The following SPATS2L variants were observed in gnomAD, a reference collection of about 807,000 sequenced individuals.
SPATS2L encodes SPATS2-like protein.
In SPATS2L, 30 loss-of-function variants were observed where a neutral mutation model predicts 59.6. That is an observed-to-expected ratio of 0.50 (90% CI 0.38 to 0.68). SPATS2L has a LOEUF of 0.68. SPATS2L is among the 30% of genes least tolerant of loss of function. The pLI, the probability that SPATS2L is intolerant of heterozygous loss-of-function variation, is 0.00. For missense variants in SPATS2L, 615 were observed against 700.0 expected, an observed-to-expected ratio of 0.88 and a Z score of 1.37; for synonymous variants, 252 against 263.5, an observed-to-expected ratio of 0.96 and a Z score of 0.42.
chr2:200,309,861 T>C (rs1223224604), intron 1 of SPATS2L, among the ~76,000 whole-genome samples: 2 of 152,222 alleles, frequency 1.3e-5, no homozygotes, highest in South Asian at 2.1e-4. Flanking sequence ...ATGCTTGTTA[T>C]GTAAATAGGC....
chr2:200,318,736 G>C (rs159322), intron 1 of SPATS2L, among the ~76,000 whole-genome samples: 148,127 of 152,304 alleles, frequency 0.97, 72,164 homozygotes, highest in Middle Eastern at 1. Flanking sequence ...ATGAAACTCA[G>C]TGATAAGAAA....
intron 2 of SPATS2L, among the ~76,000 whole-genome samples, chr2:200,388,113 T>C (rs1467006201): frequency 6.6e-6 from 1 of 152,186 alleles, no homozygotes; most frequent in Non-Finnish European, 1.5e-5. Context: ...AAAATTACAA[T>C]GAAGATACAT....
intron 2 of SPATS2L, among the ~76,000 whole-genome samples, chr2:200,343,116 A>T (rs923009834): frequency 6.6e-6 from 1 of 152,210 alleles, no homozygotes; most frequent in African/African-American, 2.4e-5. Flanking sequence ...TTGGGAGAAT[A>T]ACTTGGATGG....
intron 2 of SPATS2L, among the ~76,000 whole-genome samples, chr2:200,355,378 T>C (rs930252802): frequency 3.3e-5 from 5 of 152,244 alleles, no homozygotes; most frequent in African/African-American, 7.2e-5. Flanking sequence ...TTTGATTCAT[T>C]TGGATTTACA....
intron 3 of SPATS2L, among the ~76,000 whole-genome samples, chr2:200,402,849 T>C (rs2082571722): frequency 6.6e-6 from 1 of 152,168 alleles, no homozygotes; most frequent in Non-Finnish European, 1.5e-5. Context: ...AAATCTAAGA[T>C]ATAGAGGATG....
intron 2 of SPATS2L, among the ~76,000 whole-genome samples, chr2:200,365,280 A>T (rs1175793727): frequency 6.6e-6 from 1 of 152,252 alleles, no homozygotes; most frequent in Non-Finnish European, 1.5e-5. Flanking sequence ...GAAGGGGAGC[A>T]TCATCACAAC....
At chr2:200,391,945 G>A (rs1486965101) in intron 3 of SPATS2L, among the ~76,000 whole-genome samples, 1 of 151,790 alleles carries the variant, frequency 6.6e-6, no homozygotes, top group Non-Finnish European at 1.5e-5. Flanking sequence ...ATTTCCTTGG[G>A]GTATTATTAC....
At chr2:200,380,907 C>G (rs971769019) in intron 2 of SPATS2L, among the ~76,000 whole-genome samples, 1 of 152,114 alleles carries the variant, frequency 6.6e-6, no homozygotes, top group Non-Finnish European at 1.5e-5. Context: ...GTTTCTCAGT[C>G]CTAATAATTA....
intron 4 of SPATS2L, 102 bp from the exon 5 acceptor site, chr2:200,416,273 CAAAA>C (rs5837739): frequency 2.7e-3 from 900 of 331,154 alleles, no homozygotes; most frequent in South Asian, 3.5e-3. Context: ...ATGAAAAAGC[CAAAA>C]AAAAAAAAAA....
intron 6 of SPATS2L, among the ~76,000 whole-genome samples, chr2:200,432,472 G>A (rs925044825): frequency 1.3e-5 from 2 of 152,220 alleles, no homozygotes; most frequent in African/African-American, 4.8e-5. Flanking sequence ...CAAAAAGGGA[G>A]GAAGAGAGTG....
chr2:200,379,059 C>T lies in SPATS2L; in HGVS notation c.-22-10164C>T, dbSNP rs2081704489. Among the ~76,000 whole-genome samples, 3 of 152,194 alleles carry T rather than the reference C, an allele frequency of 2.0e-5. 1 individual carries two copies. The South Asian group carries it at 6.2e-4, about 32-fold the overall frequency. On this transcript the variant is annotated intron_variant, in intron 2 of 12. Coordinates refer to ENST00000409140, the MANE Select transcript of SPATS2L (RefSeq NM_001100423.2). ...TGCTGTGCCCAAAACCTTGAGCCAG[C>T]TGAATTCCAACTCTAATTCTTCCAG... is the stretch of plus-strand genomic sequence containing the variant.
At chr2:200,427,114 G>A (rs1403058302) in intron 6 of SPATS2L, among the ~76,000 whole-genome samples, 1 of 152,082 alleles carries the variant, frequency 6.6e-6, no homozygotes, top group Non-Finnish European at 1.5e-5. Context: ...CCCACTCCTT[G>A]TTATGGTGAT....
chr2:200,374,572 G>GACAC lies in SPATS2L; in HGVS notation c.-22-14641_-22-14638dup, dbSNP rs138878768. ...GGCATTGGGTCTCAGTTGTCACAGG[G>GACAC]ACACACACACACAGGCACCCTCTAC... On this transcript the variant is annotated intron_variant, in intron 2 of 12. Transcript: ENST00000409140. Among the ~76,000 whole-genome samples, 5 of 151,734 alleles carry GACAC rather than the reference G, an allele frequency of 3.3e-5. No individual in the cohort carries two copies. In the South Asian group the frequency reaches 1.0e-3, roughly 32 times the overall value.
chr2:200,358,777 CAG>C (rs556368632), intron 2 of SPATS2L, among the ~76,000 whole-genome samples: 17 of 152,054 alleles, frequency 1.1e-4, no homozygotes, highest in African/African-American at 4.1e-4. Flanking sequence ...CACTTGAGGC[CAG>C]GAGTTTGAGA....
chr2:200,407,111 CT>C (rs2082713761), intron 3 of SPATS2L, among the ~76,000 whole-genome samples: 2 of 151,740 alleles, frequency 1.3e-5, no homozygotes, highest in Admixed American at 6.6e-5. Context: ...CCACTTTTTT[CT>C]TTTTAAAATC....
At chr2:200,456,680 C>T (rs1367631876) in intron 8 of SPATS2L, among the ~76,000 whole-genome samples, 1 of 152,180 alleles carries the variant, frequency 6.6e-6, no homozygotes, top group Non-Finnish European at 1.5e-5. Context: ...ACCCCACACA[C>T]AAGTGGGAGG....
chr2:200,348,751 A>G (rs778796764), intron 2 of SPATS2L, among the ~76,000 whole-genome samples: 11 of 152,168 alleles, frequency 7.2e-5, no homozygotes, highest in Non-Finnish European at 1.0e-4. Context: ...AAGGCCTGGA[A>G]AGCTCCTAGC....
intron 1 of SPATS2L, among the ~76,000 whole-genome samples, chr2:200,320,812 C>A (rs893015820): frequency 6.6e-6 from 1 of 152,074 alleles, no homozygotes; most frequent in East Asian, 1.9e-4. Flanking sequence ...TTATTGTACT[C>A]ATGTACAAAA....
intron 1 of SPATS2L, among the ~76,000 whole-genome samples, chr2:200,323,247 T>C (rs2079623429): frequency 6.6e-6 from 1 of 152,030 alleles, no homozygotes; most frequent in African/African-American, 2.4e-5. Flanking sequence ...TCCCTGAGAG[T>C]CCTCAGCTCT....
Sources: gnomAD v4.1 joint callset for allele counts (sites outside exome capture counted in the v4.1 genomes callset) on GRCh38, gnomAD v4.1.1 for gene constraint, MANE v1.5 for transcripts, NCBI Gene and HGNC (gene_info 2026-07-23, HGNC 2026-07-21) for gene names.